DACH1: variants seen among roughly 807,000 people sequenced by gnomAD.
DACH1 encodes dachshund family transcription factor 1.
A neutral mutation model predicts 54.2 loss-of-function variants in DACH1; 12 were observed. The ratio of observed to expected loss-of-function variants is 0.22; its 90% CI spans 0.14 to 0.36. DACH1 has a LOEUF of 0.36. Ranked by LOEUF, DACH1 falls within the 10% of genes least tolerant of loss-of-function variation. The probability of loss-of-function intolerance (pLI) is 1.00; values close to 1 mark genes in which losing one functional copy is unlikely to be tolerated. For synonymous variants in DACH1, 386 were observed against 366.2 expected, an observed-to-expected ratio of 1.05 and a Z score of -0.62; for missense variants, 805 against 929.8, an observed-to-expected ratio of 0.87 and a Z score of 1.75.
At chr13:71,481,831 T>C (rs181734786) in intron 7 of DACH1, among the ~76,000 whole-genome samples, 2 of 152,338 alleles carry the variant, frequency 1.3e-5, no homozygotes, top group African/African-American at 2.4e-5. Context: ...TAGGACACCA[T>C]TGTAGCCATC....
intron 6 of DACH1, among the ~76,000 whole-genome samples, chr13:71,535,062 C>T (rs1882670140): frequency 6.6e-6 from 1 of 151,610 alleles, no homozygotes; most frequent in Non-Finnish European, 1.5e-5. Context: ...CAGAGTTTTT[C>T]TATGTTTCAT....
intron 1 of DACH1, among the ~76,000 whole-genome samples, chr13:71,794,131 A>G (rs1232408626): frequency 3.3e-5 from 5 of 152,164 alleles, no homozygotes; most frequent in Non-Finnish European, 5.9e-5. Context: ...CACAGTCTAG[A>G]TATTTACCCA....
chr13:71,733,269 C>T (rs1307613045), intron 1 of DACH1, among the ~76,000 whole-genome samples: 1 of 152,158 alleles, frequency 6.6e-6, no homozygotes, highest in Non-Finnish European at 1.5e-5. Context: ...TCAGGCTATC[C>T]TCCCACCTCT....
chr13:71,766,773 A>G (rs1885647264), intron 1 of DACH1, among the ~76,000 whole-genome samples: 1 of 152,176 alleles, frequency 6.6e-6, no homozygotes, highest in Admixed American at 6.5e-5. Context: ...AAGCACTGAA[A>G]AAAACAATTT....
rs553981882 is a variant in DACH1 at position 71,816,127 on chromosome 13, A to C, written c.848+49795T>G. ...AAATAAAATAAGCTCAGATTAACCA[A>C]AACTAAGATTGTCTTAAAATTAACA... On this transcript the variant is annotated intron_variant, in intron 1 of 10. Transcript: ENST00000613252. Among the ~76,000 whole-genome samples, 870 of 152,296 alleles carry C rather than the reference A, an allele frequency of 5.7e-3. 9 individuals carry two copies. The highest frequency in any genetic ancestry group is 0.01 in the Middle Eastern group (3 of 294).
intron 10 of DACH1, among the ~76,000 whole-genome samples, chr13:71,464,017 C>A (rs1254621320): frequency 1.3e-5 from 2 of 151,922 alleles, no homozygotes; most frequent in African/African-American, 4.8e-5. Context: ...TGTGTAGTTT[C>A]TGCCAGGAAA....
chr13:71,533,334 G>A (rs1329244515), intron 6 of DACH1, among the ~76,000 whole-genome samples: 3 of 151,882 alleles, frequency 2.0e-5, no homozygotes, highest in South Asian at 2.1e-4. Flanking sequence ...GTAATTCCTC[G>A]TATTTTCAAT....
In DACH1 at chr13:71,844,370, T is replaced by G. The variant is rs192501605; in HGVS notation, c.848+21552A>C. The stretch of plus-strand genomic sequence containing the variant: ...ATGCATTTAGTCATCCACCAATAGG[T>G]TCAATCATGAGTAGAAGCAAAAAAC... On this transcript the variant is annotated intron_variant, in intron 1 of 10. Coordinates refer to ENST00000613252, the MANE Select transcript of DACH1 (RefSeq NM_080759.6). Among the ~76,000 whole-genome samples, 141 of 152,130 alleles carry G rather than the reference T, an allele frequency of 9.3e-4. 1 individual carries two copies. The highest frequency in any genetic ancestry group is 3.2e-3 in the African/African-American group (133 of 41,490).
chr13:71,624,013 C>T (rs993375100), intron 3 of DACH1, among the ~76,000 whole-genome samples: 1 of 151,866 alleles, frequency 6.6e-6, no homozygotes, highest in Non-Finnish European at 1.5e-5. Flanking sequence ...TTAATAACAA[C>T]ATTCCTAATC....
At chr13:71,745,989 G>A (rs907451944) in intron 1 of DACH1, among the ~76,000 whole-genome samples, 1 of 152,174 alleles carries the variant, frequency 6.6e-6, no homozygotes, top group Non-Finnish European at 1.5e-5. Context: ...GGAGGCCAAC[G>A]CGGGTGGATC....
At chr13:71,692,709 G>A (rs1312170208) in intron 1 of DACH1, among the ~76,000 whole-genome samples, 2 of 151,374 alleles carry the variant, frequency 1.3e-5, no homozygotes, top group African/African-American at 4.9e-5. Context: ...TTTTAGTAGA[G>A]ACGGGGTTTC....
At chr13:71,847,841 C>A (rs771598787) in intron 1 of DACH1, among the ~76,000 whole-genome samples, 1 of 152,072 alleles carries the variant, frequency 6.6e-6, no homozygotes, top group Non-Finnish European at 1.5e-5. Flanking sequence ...CAATAGTATT[C>A]GGATATAGGT....
chr13:71,612,204 C>T (rs1396136959), intron 3 of DACH1, among the ~76,000 whole-genome samples: 1 of 152,020 alleles, frequency 6.6e-6, no homozygotes, highest in Non-Finnish European at 1.5e-5. Context: ...ATATATTATG[C>T]TCCTGAAATG....
At chr13:71,540,500 T>C (rs1480158835) in intron 6 of DACH1, among the ~76,000 whole-genome samples, 2 of 152,108 alleles carry the variant, frequency 1.3e-5, no homozygotes, top group Non-Finnish European at 2.9e-5. Flanking sequence ...GAAGTAAATA[T>C]AATTACAAAT....
intron 1 of DACH1, among the ~76,000 whole-genome samples, chr13:71,838,187 G>C (rs1461073971): frequency 6.6e-6 from 1 of 152,128 alleles, no homozygotes; most frequent in East Asian, 1.9e-4. Flanking sequence ...ATTGCCCCCA[G>C]TGGGACAATT....
intron 1 of DACH1, among the ~76,000 whole-genome samples, chr13:71,858,781 C>G (rs1874166631): frequency 6.6e-6 from 1 of 151,008 alleles, no homozygotes; most frequent in African/African-American, 2.4e-5. Flanking sequence ...GCTTATTTCA[C>G]TTTTACTTCC....
At chr13:71,792,167 A>G (rs1886860169) in intron 1 of DACH1, among the ~76,000 whole-genome samples, 1 of 152,160 alleles carries the variant, frequency 6.6e-6, no homozygotes, top group African/African-American at 2.4e-5. Flanking sequence ...ACCCAACCCA[A>G]TGCATTTTAC....
chr13:71,730,488 C>T (rs939230976), intron 1 of DACH1, among the ~76,000 whole-genome samples: 5 of 152,174 alleles, frequency 3.3e-5, no homozygotes, highest in South Asian at 2.1e-4. Context: ...GAGTCATGCA[C>T]GCAAAGTCAA....
intron 1 of DACH1, among the ~76,000 whole-genome samples, chr13:71,751,695 A>G (rs1884935588): frequency 1.3e-5 from 2 of 152,172 alleles, no homozygotes; most frequent in Non-Finnish European, 2.9e-5. Flanking sequence ...AAAGTAAAAA[A>G]CTAACAATTT....
Sources: gnomAD v4.1 joint callset for allele counts (sites outside exome capture counted in the v4.1 genomes callset) on GRCh38, gnomAD v4.1.1 for gene constraint, MANE v1.5 for transcripts, NCBI Gene and HGNC (gene_info 2026-07-23, HGNC 2026-07-21) for gene names.